KCND3: variants seen among roughly 807,000 people sequenced by gnomAD.
KCND3 encodes potassium voltage-gated channel subfamily D member 3, also known as A-type voltage-gated potassium channel KCND3.
In KCND3, 9 loss-of-function variants were observed where a neutral mutation model predicts 51.1. The ratio of observed to expected loss-of-function variants is 0.18; its 90% CI spans 0.11 to 0.31. KCND3 has a LOEUF of 0.31. Ranked by LOEUF, KCND3 falls within the 10% of genes least tolerant of loss-of-function variation. The pLI is 1.00. For missense variants in KCND3, 526 were observed against 903.8 expected (o/e 0.58, Z 5.36); for synonymous variants, 349 against 368.0 (o/e 0.95, Z 0.59).
Position 111,775,970 on chromosome 1 carries a change from G to A in KCND3, c.*107C>T. On this transcript the variant is annotated 3_prime_UTR_variant, in exon 8 of 8. Coordinates refer to ENST00000302127, the MANE Select transcript of KCND3 (RefSeq NM_001378969.1). Reference sequence around the variant, plus strand: ...CAGTGCTAGGGGTACAATGGGGCAGGCAGAAATAGTGGGGAAAGGGGGGAG... The same window carrying A: ...CAGTGCTAGGGGTACAATGGGGCAGACAGAAATAGTGGGGAAAGGGGGGAG... 8.0e-7 allele frequency: 1 copy of A among 1,253,290 alleles called. No homozygotes were observed. The allele number at this position is 1,253,290 out of a possible 1,614,324, so 77.6% of individuals were successfully genotyped here.
At chr1:111,964,227 C>T (rs1673835690) in intron 2 of KCND3, among the ~76,000 whole-genome samples, 1 of 152,208 alleles carries the variant, frequency 6.6e-6, no homozygotes, top group East Asian at 1.9e-4. Flanking sequence ...CCTGGCTTGA[C>T]ACACTGCTCT....
intron 2 of KCND3, among the ~76,000 whole-genome samples, chr1:111,890,025 G>A (rs767773413): frequency 3.9e-5 from 6 of 152,136 alleles, no homozygotes; most frequent in Admixed American, 6.5e-5. Context: ...AGCAAGAGTC[G>A]CATTCAATGA....
chr1:111,941,282 G>A (rs1381671461), intron 2 of KCND3, among the ~76,000 whole-genome samples: 1 of 152,092 alleles, frequency 6.6e-6, no homozygotes, highest in Non-Finnish European at 1.5e-5. Flanking sequence ...CTCTTTGTGA[G>A]GAGGTAATCT....
chr1:111,816,776 T>C (rs761173290), intron 2 of KCND3, among the ~76,000 whole-genome samples: 1 of 152,246 alleles, frequency 6.6e-6, no homozygotes, highest in Admixed American at 6.5e-5. Context: ...GACTTGAGTC[T>C]GAATGATTAA....
chr1:111,886,041 C>A (rs566999177), intron 2 of KCND3, among the ~76,000 whole-genome samples: 2 of 152,286 alleles, frequency 1.3e-5, no homozygotes, highest in East Asian at 3.9e-4. Context: ...AGAACTCAAC[C>A]TATAGTGTGG....
At chr1:111,945,653 G>T (rs928073875) in intron 2 of KCND3, among the ~76,000 whole-genome samples, 1 of 152,202 alleles carries the variant, frequency 6.6e-6, no homozygotes, top group Non-Finnish European at 1.5e-5. Context: ...CTTTCTCAGA[G>T]CCCTGAAGTT....
At chr1:111,783,875 T>A (rs1040293717) in intron 3 of KCND3, among the ~76,000 whole-genome samples, 1 of 152,096 alleles carries the variant, frequency 6.6e-6, no homozygotes, top group Non-Finnish European at 1.5e-5. Context: ...AGGAATCATA[T>A]AGAATGGAAA....
chr1:111,914,486 TATA>T (rs1671104219), intron 2 of KCND3, among the ~76,000 whole-genome samples: 1 of 152,144 alleles, frequency 6.6e-6, no homozygotes, highest in Admixed American at 6.5e-5. Flanking sequence ...CAAGGCACAT[TATA>T]ACCAAATTGC....
chr1:111,797,429 C>CA lies in KCND3; in HGVS notation c.1107-10324dup, dbSNP rs548826479. 3.3e-3 allele frequency among the ~76,000 whole-genome samples: 498 copies of CA among 152,320 alleles called. 3 individuals carry two copies. Among genetic ancestry groups the CA allele is most frequent in the South Asian group, 0.022 (106 of 4,826 alleles). ...TCGCACTGGCCAGTACTTTCCCCCCCATCCTCCTGGATTGATGAACTCATC... is the reference window on the plus strand; with the variant it reads ...TCGCACTGGCCAGTACTTTCCCCCCCAATCCTCCTGGATTGATGAACTCATC... On this transcript the variant is annotated intron_variant, in intron 2 of 7. Transcript: ENST00000302127.
intron 2 of KCND3, among the ~76,000 whole-genome samples, chr1:111,793,176 CTTT>C (rs527596358): frequency 2.2e-5 from 3 of 134,814 alleles, no homozygotes; most frequent in African/African-American, 5.5e-5. Flanking sequence ...GAAGCATATT[CTTT>C]TTTTTTTTTT....
intron 2 of KCND3, among the ~76,000 whole-genome samples, chr1:111,924,585 C>T (rs1272735441): frequency 1.3e-5 from 2 of 152,190 alleles, no homozygotes; most frequent in Admixed American, 6.5e-5. Flanking sequence ...CCAAAGGTCC[C>T]TCATACTTAG....
intron 2 of KCND3, among the ~76,000 whole-genome samples, chr1:111,963,109 A>G (rs987851892): frequency 2.6e-5 from 4 of 152,204 alleles, no homozygotes; most frequent in Non-Finnish European, 4.4e-5. Context: ...TGGGTCTCCA[A>G]TGACCAGGGA....
At chr1:111,967,055 G>A (rs1245737083) in intron 2 of KCND3, among the ~76,000 whole-genome samples, 3 of 151,178 alleles carry the variant, frequency 2.0e-5, no homozygotes, top group Non-Finnish European at 2.9e-5. Context: ...CAGGAGAATC[G>A]CTTGAGCCCA....
intron 1 of KCND3, among the ~76,000 whole-genome samples, chr1:111,984,639 C>G (rs1228702331): frequency 6.6e-6 from 1 of 152,098 alleles, no homozygotes; most frequent in Non-Finnish European, 1.5e-5. Context: ...AAATAAAGTC[C>G]AAACTCCTTG....
At chr1:111,979,680 T>G (rs1455706431) in intron 2 of KCND3, among the ~76,000 whole-genome samples, 1 of 152,214 alleles carries the variant, frequency 6.6e-6, no homozygotes, top group Non-Finnish European at 1.5e-5. Flanking sequence ...ATAGTCTCTC[T>G]GAGCCTCAGC....
chr1:111,938,526 G>A (rs1334204161), intron 2 of KCND3, among the ~76,000 whole-genome samples: 1 of 152,170 alleles, frequency 6.6e-6, no homozygotes, highest in African/African-American at 2.4e-5. Context: ...CTGCTATGAA[G>A]AACAACACGG....
At chr1:111,917,580 G>C (rs1671283668) in intron 2 of KCND3, among the ~76,000 whole-genome samples, 2 of 152,184 alleles carry the variant, frequency 1.3e-5, no homozygotes, top group Admixed American at 1.3e-4. Flanking sequence ...GCCCATGTAG[G>C]AATCGGGGAG....
chr1:111,986,094 G>A lies in KCND3; in HGVS notation c.-72-3296C>T, dbSNP rs74112406. ...GATTAGGAGACTTAGTAGTTCCTCAGCATGCACTTAGCTAGGATTTATTTC... is the reference window on the plus strand; with the variant it reads ...GATTAGGAGACTTAGTAGTTCCTCAACATGCACTTAGCTAGGATTTATTTC... On this transcript the variant is annotated intron_variant, in intron 1 of 7. Transcript: ENST00000302127. 6.3e-3 allele frequency among the ~76,000 whole-genome samples: 963 copies of A among 152,302 alleles called. 10 individuals are homozygous for A. Among genetic ancestry groups the A allele is most frequent in the African/African-American group, 0.022 (912 of 41,552 alleles).
intron 2 of KCND3, among the ~76,000 whole-genome samples, chr1:111,961,973 A>T (rs2101933484): frequency 6.6e-6 from 1 of 152,216 alleles, no homozygotes; most frequent in East Asian, 1.9e-4. Flanking sequence ...AGTTGCTGGC[A>T]CGCCATCTGG....
Sources: allele counts gnomAD v4.1 joint callset (sites outside exome capture counted in the v4.1 genomes callset), GRCh38; gene constraint gnomAD v4.1.1; transcripts MANE v1.5; gene names NCBI Gene and HGNC (gene_info 2026-07-23, HGNC 2026-07-21).